SPSB3: variants seen among roughly 807,000 people sequenced by gnomAD.
SPSB3 encodes splA/ryanodine receptor domain and SOCS box containing 3.
A neutral mutation model predicts 29.5 loss-of-function variants in SPSB3; 18 were observed. The observed-to-expected ratio is 0.61, with a 90% confidence interval of 0.42 to 0.91. The LOEUF (loss-of-function observed/expected upper bound fraction) is 0.91, where lower values mean the gene tolerates loss of function less well. Among genes scored for constraint, SPSB3 ranks in the 40% least tolerant of loss-of-function variants. The pLI, the probability that SPSB3 is intolerant of heterozygous loss-of-function variation, is 0.00. For missense variants in SPSB3, 540 were observed against 507.5 expected (o/e 1.06, Z -0.61); for synonymous variants, 299 against 214.1 (o/e 1.40, Z -3.46).
chr16:1,781,289 T>G, intron 2 of SPSB3, 69 bp downstream of exon 2: 1 of 1,612,234 alleles, frequency 6.2e-7, no homozygotes, highest in South Asian at 1.1e-5. Flanking sequence ...TCAGGTAATG[T>G]CTGCCTGCCT....
chr16:1,780,630 C>T (rs1896677862), intron 2 of SPSB3: 1 of 156,346 alleles, frequency 6.4e-6, no homozygotes, highest in Non-Finnish European at 1.4e-5. Context: ...TATATGTGAA[C>T]AAAGAGTATG....
At position 1,776,947 on chromosome 16, in the gene SPSB3, G is replaced by T; in HGVS notation, c.*150C>A. On this transcript the variant is annotated 3_prime_UTR_variant, in exon 7 of 7. Coordinates refer to ENST00000566339, the MANE Select transcript of SPSB3 (RefSeq NM_080861.4). The stretch of plus-strand genomic sequence containing the variant: ...CCCTAGAGCCCCCACAGAAAGGACT[G>T]TCCCAGCCTCGGGAGCAAGAGATGG... 1 of 901,408 alleles carries T rather than the reference G, an allele frequency of 1.1e-6. No homozygotes were observed. Among genetic ancestry groups the T allele is most frequent in the Non-Finnish European group, 1.6e-6 (1 of 606,960 alleles). The allele number at this position is 901,408 out of a possible 1,614,324, so 55.8% of individuals were successfully genotyped here. A position where few individuals can be genotyped will look rare whatever the true frequency, so the allele number is the denominator to read the frequency against.
rs141750141 is a variant in SPSB3 at position 1,776,749 on chromosome 16, T to A, written c.*348A>T. 1.3e-4 allele frequency: 52 copies of A among 392,690 alleles called. No homozygotes were observed. The highest frequency in any genetic ancestry group is 9.6e-4 in the African/African-American group (47 of 48,922). 24.3% of individuals were successfully genotyped at this position (392,690 alleles called of 1,614,324 possible). A position where few individuals can be genotyped will look rare whatever the true frequency, so the allele number is the denominator to read the frequency against. On this transcript the variant is annotated 3_prime_UTR_variant, in exon 7 of 7. Transcript: ENST00000566339. ...ATCAACTCTACATTTATTGCAGTCCTTTAAGTCTATGACGGCGGGGCAGCC... is the reference window on the plus strand; with the variant it reads ...ATCAACTCTACATTTATTGCAGTCCATTAAGTCTATGACGGCGGGGCAGCC...
chr16:1,781,589 A>T, intron 1 of SPSB3, 94 bp from the exon 2 acceptor site: 1 of 1,389,854 alleles, frequency 7.2e-7, no homozygotes, highest in Non-Finnish European at 9.8e-7. Context: ...CAAAGTGGGG[A>T]CTGCAGGGGC....
Position 1,778,019 on chromosome 16 carries a change from G to C in SPSB3, c.522C>G (p.Asp174Glu), listed in dbSNP as rs758735943. ...MMVGIGTSDV[D>E]LDKYRHTFCS... ...AGAACGTGTGGCGGTATTTGTCCAG[G>C]TCCACATCCGACGTCCCGATGCCCA... The change falls in exon 5 of 7, where the codon GAC becomes GAG. Residue 174 changes from aspartate to glutamate, a missense_variant. Physicochemically the swap from Asp to Glu is conservative, Grantham distance 45. Coordinates refer to ENST00000566339, the MANE Select transcript of SPSB3 (RefSeq NM_080861.4). 6.2e-7 allele frequency: 1 copy of C among 1,613,234 alleles called. No individual in the cohort carries two copies.
At chr16:1,778,344 G>A (rs1173281851) in intron 3 of SPSB3, 23 bp from the exon 4 acceptor site, 1 of 1,611,424 alleles carries the variant, frequency 6.2e-7, no homozygotes, top group Non-Finnish European at 8.5e-7. Flanking sequence ...CCCAGGCTGG[G>A]GCAGCCCTGA....
Position 1,777,704 on chromosome 16 carries a change from G to T in SPSB3, c.721+43C>A, listed in dbSNP as rs778576731. On this transcript the variant is annotated intron_variant, in intron 6 of 6. Coordinates refer to ENST00000566339, the MANE Select transcript of SPSB3 (RefSeq NM_080861.4). ...CTGGGGCGGGGTGGCTGCCTCCCTC[G>T]GGGTGACAGCTGAGAGGAGCTCAAG... 7 of 1,602,458 alleles carry T rather than the reference G, an allele frequency of 4.4e-6. No homozygotes were observed. The South Asian group carries it at 5.5e-5, about 13-fold the overall frequency.
chr16:1,778,837 C>T (rs1309908176), intron 2 of SPSB3: 1 of 476,530 alleles, frequency 2.1e-6, no homozygotes, highest in Non-Finnish European at 3.6e-6. Flanking sequence ...GGCCCAGCCA[C>T]AGAGCAGTAG....
In SPSB3 at chr16:1,781,152, C is replaced by G. The variant is rs769578694; in HGVS notation, c.126+206G>C. The G allele has an allele frequency of 2.0e-6, 3 of 1,524,486 alleles. No individual in the cohort carries two copies. The South Asian group carries it at 3.6e-5, about 18-fold the overall frequency. The allele number at this position is 1,524,486 out of a possible 1,614,324, so 94.4% of individuals were successfully genotyped here. A position where few individuals can be genotyped will look rare whatever the true frequency, so the allele number is the denominator to read the frequency against. On this transcript the variant is annotated intron_variant, in intron 2 of 6. Coordinates refer to ENST00000566339, the MANE Select transcript of SPSB3 (RefSeq NM_080861.4). ...AGTGTGTTCTGAGGTCCTGTCACCC[C>G]TGAGGCTGTGTGTGTCCTTTGCCAA...
chr16:1,781,422 T>C lies in SPSB3; in HGVS notation c.62A>G (p.Asp21Gly). The C allele has an allele frequency of 3.1e-6, 5 of 1,612,712 alleles. No individual in the cohort carries two copies. The highest frequency in any genetic ancestry group is 4.2e-6 in the Non-Finnish European group (5 of 1,179,968). The change falls in exon 2 of 7, where the codon GAC becomes GGC. Residue 21 changes from aspartate to glycine, a missense_variant. By Grantham distance (94) the Asp-to-Gly change is moderately conservative (BLOSUM62 -1). Transcript: ENST00000566339. ...TAGAGCCACGGCCCGGGCATCTGCG[T>C]CTCGGCGGGCTGCACTCAGGACGAA... ...WHFVLSAARR[D>G]ADARAVALAG...
intron 2 of SPSB3, chr16:1,778,892 C>G (rs535686201): frequency 2.8e-6 from 1 of 357,530 alleles, no homozygotes; most frequent in East Asian, 4.6e-5. Context: ...GGTGGATAAG[C>G]CCCAGGTCCA....
intron 2 of SPSB3, 68 bp from the exon 3 acceptor site, chr16:1,778,680 C>T (rs893979746): frequency 4.3e-5 from 63 of 1,470,570 alleles, no homozygotes; most frequent in Admixed American, 1.2e-4. Context: ...TGCCCTCTGT[C>T]CCTGTCCCAC....
Position 1,777,140 on chromosome 16 carries a change from C to T in SPSB3, c.1025G>A (p.Arg342His), listed in dbSNP as rs200573279. The T allele has an allele frequency of 6.0e-5, 97 of 1,611,638 alleles. No homozygotes were observed. Among genetic ancestry groups the T allele is most frequent in the African/African-American group, 3.1e-4 (23 of 75,040 alleles). ...QAATSAHPSS[R>H]EPRPCQRKRC... ...CTTCCTCTGGCAGGGCCGAGGCTCG[C>T]GACTGCTGGGGTGGGCGGAGGTCGC... is the stretch of plus-strand genomic sequence containing the variant. Residue 342 changes from arginine (R) to histidine (H), a missense_variant, in exon 7 of 7, where the codon CGC becomes CAC. Physicochemically the swap from Arg to His is conservative, Grantham distance 29. Transcript: ENST00000566339.
rs2042719532 is a variant in SPSB3, at chr16:1,776,795, G to C, written c.*302C>G. 2.0e-6 allele frequency: 1 copy of C among 487,828 alleles called. No homozygotes were observed. Among genetic ancestry groups the C allele is most frequent in the Admixed American group, 3.8e-5 (1 of 26,638 alleles). The allele number at this position is 487,828 out of a possible 1,614,324, so 30.2% of individuals were successfully genotyped here. On this transcript the variant is annotated 3_prime_UTR_variant, in exon 7 of 7. Transcript: ENST00000566339. ...CAGCCGCTGACAGCATGCAGAGCAA[G>C]TTAGGAAAAACCGAGGCCCTGTGGG...
At chr16:1,778,978 C>T (rs939558748) in intron 2 of SPSB3, 3 of 198,642 alleles carry the variant, frequency 1.5e-5, no homozygotes, top group Middle Eastern at 1.9e-3. Flanking sequence ...CCAGGCAAGG[C>T]CACCACCCCC....
At chr16:1,781,721 C>T (rs906427267) in intron 1 of SPSB3, 2 of 553,678 alleles carry the variant, frequency 3.6e-6, no homozygotes, top group Non-Finnish European at 3.2e-6. Flanking sequence ...CCCATGACTC[C>T]GGAATGCGAA....
rs2042736575 is a variant in SPSB3, at chr16:1,777,829, C to T, written c.639G>A (p.Arg213=). ...HKGDKTSFSS[R]FGQGSIIGVH... is the part of the protein sequence containing the mutation. ...CGCCAATGATGGAGCCCTGGCCGAA[C>T]CGCGATGAGAAGCTGGTCTTGTCGC... Residue 213 remains arginine, a synonymous_variant, in exon 6 of 7, where the codon CGG becomes CGA. Coordinates refer to ENST00000566339, the MANE Select transcript of SPSB3 (RefSeq NM_080861.4). The T allele has an allele frequency of 1.9e-6, 3 of 1,612,890 alleles. No individual in the cohort carries two copies. Among genetic ancestry groups the T allele is most frequent in the African/African-American group, 1.3e-5 (1 of 75,038 alleles).
In SPSB3 at chr16:1,781,510, A is replaced by AG. The variant is rs1896712267; in HGVS notation, c.-12-16dup. ...GTGGAAAGAATCTAGAAGAAAACAC[A>AG]GGCTCTGGGCAAAGGAAGACTCACA... is the stretch of plus-strand genomic sequence containing the variant. On this transcript the variant is annotated splice_polypyrimidine_tract_variant and intron_variant, in intron 1 of 6. Transcript: ENST00000566339. The AG allele has an allele frequency of 6.2e-7, 1 of 1,608,504 alleles. No individual in the cohort carries two copies. Among genetic ancestry groups the AG allele is most frequent in the African/African-American group, 1.3e-5 (1 of 74,720 alleles).
rs1176402915 is a variant in SPSB3, at chr16:1,777,022, GGAAGGGACAGAGAAA to G, written c.*60_*74del. 5.4e-5 allele frequency: 81 copies of G among 1,511,330 alleles called. No homozygotes were observed. The highest frequency in any genetic ancestry group is 1.2e-4 in the African/African-American group (9 of 72,656). The allele number at this position is 1,511,330 out of a possible 1,614,324, so 93.6% of individuals were successfully genotyped here. A position where few individuals can be genotyped will look rare whatever the true frequency, so the allele number is the denominator to read the frequency against. ...ACTCCGCCCTGGAGTGTGGCTGGAAGGAAGGGACAGAGAAAGAAGGGACAGAGGAAAGGGGCTGTC... is the reference window on the plus strand; with the variant it reads ...ACTCCGCCCTGGAGTGTGGCTGGAAGGAAGGGACAGAGGAAAGGGGCTGTC... On this transcript the variant is annotated 3_prime_UTR_variant, in exon 7 of 7. Coordinates refer to ENST00000566339, the MANE Select transcript of SPSB3 (RefSeq NM_080861.4).
Sources: gnomAD v4.1 joint callset for allele counts on GRCh38, gnomAD v4.1.1 for gene constraint, MANE v1.5 for transcripts, NCBI Gene and HGNC (gene_info 2026-07-23, HGNC 2026-07-21) for gene names.